NBAS: variants seen among roughly 807,000 people sequenced by gnomAD.
NBAS encodes NAG/BC035112 fusion.
A neutral mutation model predicts 302.5 loss-of-function variants in NBAS; 219 were observed. The observed-to-expected ratio is 0.72, with a 90% CI of 0.65 to 0.81. The LOEUF (loss-of-function observed/expected upper bound fraction) is 0.81, where lower values mean the gene tolerates loss of function less well. Among genes scored for constraint, NBAS ranks in the 30% least tolerant of loss-of-function variants. The pLI, the probability that NBAS is intolerant of heterozygous loss-of-function variation, is 0.00. For missense variants in NBAS, 2,932 were observed against 2,841.6 expected (o/e 1.03, Z -0.72); for synonymous variants, 1,118 against 1,021.6 (o/e 1.09, Z -1.80).
At chr2:15,251,100 C>G (rs1668345357) in intron 44 of NBAS, among the ~76,000 whole-genome samples, 1 of 152,062 alleles carries the variant, frequency 6.6e-6, no homozygotes, top group South Asian at 2.1e-4. Context: ...AAATGTGGCA[C>G]ATATATACCA....
chr2:15,544,359 A>G (rs10929375), intron 6 of NBAS, among the ~76,000 whole-genome samples: 96,583 of 151,462 alleles, frequency 0.64, 31,524 homozygotes, highest in Non-Finnish European at 0.68. Context: ...ACAAATGGTG[A>G]AGGGAGGGAG....
the NBAS span, among the ~76,000 whole-genome samples, chr2:15,032,694 G>C: frequency 1.3e-5 from 2 of 152,202 alleles, no homozygotes; most frequent in Admixed American, 1.3e-4. Flanking sequence ...ATATGGTGGA[G>C]AGATCATTTA....
chr2:15,239,595 A>G (rs921789533), intron 44 of NBAS, among the ~76,000 whole-genome samples: 6 of 152,092 alleles, frequency 3.9e-5, no homozygotes, highest in Admixed American at 2.6e-4. Flanking sequence ...AGTTTCAGAT[A>G]TTGGAGCATT....
At chr2:15,137,155 C>T in the NBAS span, among the ~76,000 whole-genome samples, 1 of 152,200 alleles carries the variant, frequency 6.6e-6, no homozygotes, top group East Asian at 1.9e-4. Context: ...TCAAACCTGC[C>T]TTCACCTTGG....
intron 44 of NBAS, among the ~76,000 whole-genome samples, chr2:15,265,658 A>G (rs1450936291): frequency 1.3e-5 from 2 of 152,226 alleles, no homozygotes; most frequent in Non-Finnish European, 2.9e-5. Context: ...ATGTATTTTC[A>G]TACTTACTAT....
chr2:15,277,724 C>A (rs1669649188), intron 42 of NBAS, among the ~76,000 whole-genome samples: 2 of 152,168 alleles, frequency 1.3e-5, no homozygotes, highest in South Asian at 4.1e-4. Flanking sequence ...TTCATCCTAA[C>A]TTAGATGTCT....
the NBAS span, among the ~76,000 whole-genome samples, chr2:14,930,680 A>G: frequency 1.3e-5 from 2 of 152,116 alleles, no homozygotes; most frequent in African/African-American, 2.4e-5. Flanking sequence ...AAACCTGAGT[A>G]TTTTCTATGT....
At chr2:15,029,855 C>T in the NBAS span, among the ~76,000 whole-genome samples, 2 of 152,154 alleles carry the variant, frequency 1.3e-5, no homozygotes, top group African/African-American at 4.8e-5. Context: ...CTGTCAAATA[C>T]AGGGAAGGTC....
the NBAS span, among the ~76,000 whole-genome samples, chr2:15,004,218 C>A: frequency 6.6e-6 from 1 of 152,122 alleles, no homozygotes; most frequent in African/African-American, 2.4e-5. Context: ...CAGTGTTTGT[C>A]CCTTTTTTAC....
chr2:15,496,472 CCA>C (rs1316984022), intron 11 of NBAS, among the ~76,000 whole-genome samples: 1 of 151,988 alleles, frequency 6.6e-6, no homozygotes, highest in Admixed American at 6.6e-5. Context: ...GTAAATTGTA[CCA>C]CATGTGAATA....
At chr2:15,321,060 G>A (rs1334288953) in intron 38 of NBAS, among the ~76,000 whole-genome samples, 3 of 152,110 alleles carry the variant, frequency 2.0e-5, no homozygotes, top group African/African-American at 4.8e-5. Context: ...TAGACCAATG[G>A]AACAGAACAG....
chr2:15,049,984 G>A, the NBAS span, among the ~76,000 whole-genome samples: 4 of 152,226 alleles, frequency 2.6e-5, no homozygotes, highest in African/African-American at 9.6e-5. Context: ...GGGGACTTGG[G>A]GACCTGAGAG....
intron 48 of NBAS, among the ~76,000 whole-genome samples, chr2:15,217,363 C>T (rs1666698001): frequency 1.3e-5 from 2 of 152,132 alleles, no homozygotes; most frequent in East Asian, 3.8e-4. Context: ...TAGTATTGAC[C>T]TCTTCATCTC....
intron 47 of NBAS, among the ~76,000 whole-genome samples, chr2:15,231,675 C>T (rs1292727519): frequency 1.3e-5 from 2 of 152,118 alleles, no homozygotes; most frequent in Non-Finnish European, 2.9e-5. Context: ...AAGATATCTG[C>T]ACCTGAACAA....
chr2:15,327,658 C>G, intron 38 of NBAS, 92 bp downstream of exon 38: 3 of 1,484,346 alleles, frequency 2.0e-6, no homozygotes, highest in Non-Finnish European at 2.8e-6. Context: ...TGAAAAATTT[C>G]TTTTCCAAAC....
chr2:15,321,331 C>A (rs998732565), intron 38 of NBAS, among the ~76,000 whole-genome samples: 4 of 151,946 alleles, frequency 2.6e-5, no homozygotes, highest in Non-Finnish European at 5.9e-5. Context: ...GGACATAGGC[C>A]TGGGCAAGGA....
the NBAS span, among the ~76,000 whole-genome samples, chr2:15,049,592 C>G: frequency 6.6e-6 from 1 of 152,196 alleles, no homozygotes; most frequent in East Asian, 1.9e-4. Flanking sequence ...GCTAGTGAAT[C>G]TAAAACAGGA....
chr2:14,928,322 T>C, the NBAS span, among the ~76,000 whole-genome samples: 24 of 152,324 alleles, frequency 1.6e-4, no homozygotes, highest in Admixed American at 2.6e-4. Flanking sequence ...TCTAAGCAGA[T>C]TGCTTCTCGT....
chr2:15,432,066 T>A (rs1337197307), intron 21 of NBAS, among the ~76,000 whole-genome samples: 1 of 151,928 alleles, frequency 6.6e-6, no homozygotes, highest in East Asian at 1.9e-4. Flanking sequence ...AATTACTAAA[T>A]GGGTTAGGCA....
Sources: allele counts gnomAD v4.1 joint callset (sites outside exome capture counted in the v4.1 genomes callset), GRCh38; gene constraint gnomAD v4.1.1; transcripts MANE v1.5; gene names NCBI Gene and HGNC (gene_info 2026-07-23, HGNC 2026-07-21).